RARB: variants seen among roughly 807,000 people sequenced by gnomAD.
The protein encoded by RARB is HBV-activated protein.
RARB carries 17 observed loss-of-function variants against 51.9 expected under a neutral mutation model. The observed-to-expected ratio is 0.33, with a 90% CI of 0.22 to 0.49. The LOEUF is 0.49. Ranked by LOEUF, RARB falls within the 20% of genes least tolerant of loss-of-function variation. The probability of loss-of-function intolerance (pLI) is 0.99; values close to 1 mark genes in which losing one functional copy is unlikely to be tolerated. For synonymous variants in RARB, 215 were observed against 195.4 expected, an observed-to-expected ratio of 1.10 and a Z score of -0.84; for missense variants, 369 against 550.8, an observed-to-expected ratio of 0.67 and a Z score of 3.30.
intron 5 of RARB, among the ~76,000 whole-genome samples, chr3:25,213,079 A>T (rs1276234729): frequency 1.3e-5 from 2 of 152,010 alleles, no homozygotes; most frequent in African/African-American, 4.8e-5. Context: ...GTATTTTTTT[A>T]ACTGTTAAAT....
chr3:25,080,710 C>A (rs12638455), intron 3 of RARB, among the ~76,000 whole-genome samples: 75,710 of 151,966 alleles, frequency 0.5, 20,453 homozygotes, highest in Admixed American at 0.63. Context: ...TTTTTACATT[C>A]TTTGGAGAAA....
intron 2 of RARB, among the ~76,000 whole-genome samples, chr3:25,016,203 T>A (rs975740781): frequency 6.6e-6 from 1 of 152,224 alleles, no homozygotes; most frequent in African/African-American, 2.4e-5. Flanking sequence ...ACTGTACTTA[T>A]AAATTTCAAT....
intron 3 of RARB, among the ~76,000 whole-genome samples, chr3:25,063,348 A>C (rs1698589119): frequency 1.3e-5 from 2 of 151,998 alleles, no homozygotes; most frequent in African/African-American, 2.4e-5. Context: ...TGTAACTGAG[A>C]GATATCAGAT....
intron 2 of RARB, among the ~76,000 whole-genome samples, chr3:24,863,567 AG>A (rs1482248257): frequency 6.6e-6 from 1 of 152,186 alleles, no homozygotes; most frequent in Non-Finnish European, 1.5e-5. Context: ...GAAAGCATCA[AG>A]AAGTGAATGC....
chr3:25,167,922 A>G (rs1700585329), intron 4 of RARB, among the ~76,000 whole-genome samples: 1 of 152,238 alleles, frequency 6.6e-6, no homozygotes, highest in Non-Finnish European at 1.5e-5. Context: ...GAGTTATCCA[A>G]GAGTCCCAAA....
chr3:25,569,717 G>C, intron 3 of RARB, 41 bp from the exon 4 acceptor site: 1 of 1,593,154 alleles, frequency 6.3e-7, no homozygotes, highest in Non-Finnish European at 8.5e-7. Flanking sequence ...CACAGGCCCA[G>C]CCTTCAGCGA....
At chr3:25,217,345 A>C (rs988963234) in intron 5 of RARB, among the ~76,000 whole-genome samples, 2 of 152,186 alleles carry the variant, frequency 1.3e-5, no homozygotes, top group Non-Finnish European at 2.9e-5. Flanking sequence ...GATTATAAGC[A>C]TATATGACTC....
intron 5 of RARB, among the ~76,000 whole-genome samples, chr3:25,400,710 A>G (rs1301828743): frequency 1.3e-5 from 2 of 152,156 alleles, no homozygotes; most frequent in Non-Finnish European, 2.9e-5. Flanking sequence ...GGCATATAGA[A>G]TAAAGTTTCC....
chr3:25,033,827 T>G (rs1697926845), intron 2 of RARB, among the ~76,000 whole-genome samples: 1 of 152,198 alleles, frequency 6.6e-6, no homozygotes, highest in Non-Finnish European at 1.5e-5. Context: ...AATAAATATT[T>G]GTTAGCTTAA....
intron 2 of RARB, among the ~76,000 whole-genome samples, chr3:25,006,396 T>C (rs1160060570): frequency 3.3e-5 from 5 of 152,174 alleles, no homozygotes; most frequent in East Asian, 1.9e-4. Flanking sequence ...TTAACAGATA[T>C]GTAGTGGATA....
chr3:25,350,215 T>C (rs1705520203), intron 5 of RARB, among the ~76,000 whole-genome samples: 1 of 152,170 alleles, frequency 6.6e-6, no homozygotes, highest in Admixed American at 6.5e-5. Context: ...CACAGGGGCA[T>C]GGACACCAGC....
chr3:25,265,551 C>A (rs900342649), intron 5 of RARB, among the ~76,000 whole-genome samples: 5 of 152,178 alleles, frequency 3.3e-5, no homozygotes, highest in Admixed American at 2.0e-4. Context: ...CAGCTCACTG[C>A]AACCTCCACC....
chr3:25,325,084 C>T (rs917687156), intron 5 of RARB, among the ~76,000 whole-genome samples: 2 of 152,154 alleles, frequency 1.3e-5, no homozygotes, highest in African/African-American at 2.4e-5. Flanking sequence ...TTAGTTATTG[C>T]TTGATTATAT....
intron 5 of RARB, among the ~76,000 whole-genome samples, chr3:25,581,428 C>G (rs1205886706): frequency 6.6e-6 from 1 of 152,132 alleles, no homozygotes; most frequent in Admixed American, 6.5e-5. Flanking sequence ...CAGCCTGAAG[C>G]CCCCACCAGG....
At chr3:25,409,318 G>GC (rs1157352821) in intron 5 of RARB, among the ~76,000 whole-genome samples, 8 of 152,280 alleles carry the variant, frequency 5.3e-5, no homozygotes, top group Admixed American at 2.6e-4. Flanking sequence ...GCATCTGTTA[G>GC]CAAAGGCTCT....
chr3:25,374,834 T>C (rs1706408389), intron 5 of RARB, among the ~76,000 whole-genome samples: 1 of 152,162 alleles, frequency 6.6e-6, no homozygotes, highest in Non-Finnish European at 1.5e-5. Flanking sequence ...TTAACACAAA[T>C]GTAGCTACAC....
chr3:24,994,135 C>T (rs769442229), intron 2 of RARB, among the ~76,000 whole-genome samples: 1 of 152,028 alleles, frequency 6.6e-6, no homozygotes, highest in Non-Finnish European at 1.5e-5. Flanking sequence ...GTGTGTAAGG[C>T]TTCTCTTTTA....
intron 2 of RARB, among the ~76,000 whole-genome samples, chr3:24,967,459 A>T (rs1437623286): frequency 6.6e-6 from 1 of 152,122 alleles, no homozygotes; most frequent in Non-Finnish European, 1.5e-5. Context: ...TCAACTTCTA[A>T]GAGTAGAATC....
rs372338731 is a variant in RARB, at chr3:25,461,282, G to A, written c.247G>A (p.Val83Ile). 1.9e-5 allele frequency: 31 copies of A among 1,613,336 alleles called. No homozygotes were observed. The highest frequency in any genetic ancestry group is 6.6e-5 in the South Asian group (6 of 91,056). ...CCCTCGAGTGTACAAACCCTGCTTCGTCTGCCAGGACAAATCATCAGGGTA... is the reference window on the plus strand; with the variant it reads ...CCCTCGAGTGTACAAACCCTGCTTCATCTGCCAGGACAAATCATCAGGGTA... ...PPPRVYKPCF[V>I]CQDKSSGYHY... Residue 83 changes from valine (V) to isoleucine (I), a missense_variant, in exon 2 of 8, where the codon GTC (valine) becomes ATC (isoleucine). Val to Ile is a conservative substitution (Grantham distance 29). Coordinates refer to ENST00000330688, the MANE Select transcript of RARB (RefSeq NM_000965.5).
Sources: allele counts gnomAD v4.1 joint callset (sites outside exome capture counted in the v4.1 genomes callset), GRCh38; gene constraint gnomAD v4.1.1; transcripts MANE v1.5; gene names NCBI Gene and HGNC (gene_info 2026-07-23, HGNC 2026-07-21).